The following SPTB variants were observed in gnomAD, a reference collection of about 807,000 sequenced individuals.
SPTB encodes spectrin beta chain, erythrocytic.
A neutral mutation model predicts 256.2 loss-of-function variants in SPTB; 45 were observed. The observed-to-expected ratio is 0.18, with a 90% CI of 0.14 to 0.23. SPTB has a LOEUF of 0.23. Among genes scored for constraint, SPTB ranks in the 10% least tolerant of loss-of-function variants. SPTB has a pLI of 1.00. For missense variants in SPTB, 2,715 were observed against 3,040.4 expected, an observed-to-expected ratio of 0.89 and a Z score of 2.52; for synonymous variants, 1,231 against 1,243.1, an observed-to-expected ratio of 0.99 and a Z score of 0.21.
chr14:64,822,831 ATCAC>A, intron 2 of SPTB, 112 bp downstream of exon 2: 1 of 1,493,920 alleles, frequency 6.7e-7, no homozygotes. Context: ...ACACGTCTCC[ATCAC>A]TGCCATGCCA....
chr14:64,768,885 C>A (rs772685995), intron 29 of SPTB, 149 bp downstream of exon 29: 288 of 750,270 alleles, frequency 3.8e-4, no homozygotes, highest in Non-Finnish European at 6.2e-4. Context: ...CGCTGAGGCC[C>A]CTGGCCCCAG....
Position 64,795,745 on chromosome 14 carries a change from G to GCA in SPTB, c.1342-108_1342-107dup. ...TTCAGAACCAGTGCTAGATGGGAAA[G>GCA]CACATTCCCAAGAAGCAGCTAGTTC... is the stretch of plus-strand genomic sequence containing the variant. On this transcript the variant is annotated intron_variant, in intron 11 of 35. Transcript: ENST00000644917. This position sits in a 1 kb window ranked among gnomAD's most constrained non-coding sequence, Gnocchi z 6.5. 8.4e-7 allele frequency: 1 copy of GCA among 1,193,368 alleles called. No homozygotes were observed. Among genetic ancestry groups the GCA allele is most frequent in the South Asian group, 1.3e-5 (1 of 78,902 alleles). The allele number at this position is 1,193,368 out of a possible 1,614,324, so 73.9% of individuals were successfully genotyped here. A position where few individuals can be genotyped will look rare whatever the true frequency, so the allele number is the denominator to read the frequency against.
At chr14:64,821,726 G>A (rs2139695517) in intron 2 of SPTB, among the ~76,000 whole-genome samples, 1 of 152,326 alleles carries the variant, frequency 6.6e-6, no homozygotes, top group East Asian at 1.9e-4. Context: ...AGAAGAAAGA[G>A]AGTTTCCTGT....
In SPTB at chr14:64,786,294, TACAAG is replaced by T. The variant is rs1260275042; in HGVS notation, c.3561+105_3561+109del. On this transcript the variant is annotated intron_variant, in intron 16 of 35. Coordinates refer to ENST00000644917, the MANE Select transcript of SPTB (RefSeq NM_001355436.2). The surrounding 1 kb of genome is among the most constrained non-coding windows in gnomAD (Gnocchi z 5.6). ...ATTTCCCCCATGAGTGAATACAGAG[TACAAG>T]ACAAGAGTAATGTGGTCCCTGAGTC... 3 of 1,430,720 alleles carry T rather than the reference TACAAG, an allele frequency of 2.1e-6. No individual in the cohort carries two copies. The highest frequency in any genetic ancestry group is 2.8e-5 in the African/African-American group (2 of 71,344). The allele number at this position is 1,430,720 out of a possible 1,614,324, so 88.6% of individuals were successfully genotyped here. A position where few individuals can be genotyped will look rare whatever the true frequency, so the allele number is the denominator to read the frequency against.
chr14:64,796,314 C>T lies in SPTB; in HGVS notation c.1341+243G>A, dbSNP rs891735762. On this transcript the variant is annotated intron_variant, in intron 11 of 35. Coordinates refer to ENST00000644917, the MANE Select transcript of SPTB (RefSeq NM_001355436.2). This position sits in a 1 kb window ranked among gnomAD's most constrained non-coding sequence, Gnocchi z 4.1. Reference sequence around the variant, plus strand: ...CCCCAGCTGTAGTTGACACTACAGGCCCACATAAGACAACTTCAGCGGCCA... The same window carrying T: ...CCCCAGCTGTAGTTGACACTACAGGTCCACATAAGACAACTTCAGCGGCCA... 1.3e-5 allele frequency among the ~76,000 whole-genome samples: 2 copies of T among 152,154 alleles called. No individual in the cohort carries two copies. Among genetic ancestry groups the T allele is most frequent in the African/African-American group, 4.8e-5 (2 of 41,434 alleles).
At chr14:64,768,027 C>T (rs17180217) in intron 29 of SPTB, 168 bp from the exon 30 acceptor site, 68,544 of 715,028 alleles carry the variant, frequency 0.096, 3,757 homozygotes, top group African/African-American at 0.12. Context: ...CACTGGGCCC[C>T]TAACCGATCT....
At chr14:64,769,167 A>T (rs1205594781) in intron 28 of SPTB, 49 bp from the exon 29 acceptor site, 1 of 1,563,980 alleles carries the variant, frequency 6.4e-7, no homozygotes, top group South Asian at 1.1e-5. Context: ...ACCCTTCACC[A>T]TCTGAGGCAG....
At position 64,786,321 on chromosome 14, in the gene SPTB, A is replaced by G. The variant is rs989402336; in HGVS notation, c.3561+83T>C. On this transcript the variant is annotated intron_variant, in intron 16 of 35. Coordinates refer to ENST00000644917, the MANE Select transcript of SPTB (RefSeq NM_001355436.2). The surrounding 1 kb of genome is among the most constrained non-coding windows in gnomAD (Gnocchi z 5.6). Reference sequence around the variant, plus strand: ...CAAGACAAGAGTAATGTGGTCCCTGAGTCTTACAGCACATTTGTGGACTCA... The same window carrying G: ...CAAGACAAGAGTAATGTGGTCCCTGGGTCTTACAGCACATTTGTGGACTCA... 1 of 1,553,152 alleles carries G rather than the reference A, an allele frequency of 6.4e-7. No homozygotes were observed. The highest frequency in any genetic ancestry group is 8.8e-7 in the Non-Finnish European group (1 of 1,130,688).
At chr14:64,770,485 G>A (rs2269310) in intron 27 of SPTB, among the ~76,000 whole-genome samples, 29,361 of 152,130 alleles carry the variant, frequency 0.19, 3,375 homozygotes, top group East Asian at 0.39. Flanking sequence ...TCTCATGGAC[G>A]ATGAGCTTCT....
chr14:64,837,123 A>C (rs1449066000), intron 1 of SPTB, among the ~76,000 whole-genome samples: 2 of 152,354 alleles, frequency 1.3e-5, no homozygotes, highest in East Asian at 3.9e-4. Context: ...CAGGGAGAAG[A>C]AGCTGTCCAA....
intron 1 of SPTB, among the ~76,000 whole-genome samples, chr14:64,829,123 C>T (rs1320850458): frequency 6.6e-6 from 1 of 152,114 alleles, no homozygotes; most frequent in Non-Finnish European, 1.5e-5. Flanking sequence ...TGAAGGACAT[C>T]ATGACCTATG....
At chr14:64,766,078 GTA>G in intron 32 of SPTB, among the ~76,000 whole-genome samples, 1 of 148,352 alleles carries the variant, frequency 6.7e-6, no homozygotes, top group Non-Finnish European at 1.5e-5. Flanking sequence ...GGTGTGGTCT[GTA>G]TGAGTATGCG....
rs759288245 is a variant in SPTB at position 64,748,934 on chromosome 14, CTCT to C, written c.*369_*371del. 12,194 of 160,954 alleles carry C rather than the reference CTCT, an allele frequency of 0.076. 500 individuals are homozygous for C. The highest frequency in any genetic ancestry group is 0.12 in the African/African-American group (3,429 of 29,534). 10.0% of individuals were successfully genotyped at this position (160,954 alleles called of 1,614,324 possible). On this transcript the variant is annotated 3_prime_UTR_variant, in exon 36 of 36. Transcript: ENST00000644917. ...GAAGAACCCCATCAGCCTTCTCCAGCTCTTTTTTTTTTTTTTTTTTGGTTGGGG... is the reference window on the plus strand; with the variant it reads ...GAAGAACCCCATCAGCCTTCTCCAGCTTTTTTTTTTTTTTTTTGGTTGGGG...
intron 1 of SPTB, among the ~76,000 whole-genome samples, chr14:64,858,430 A>G (rs1247547926): frequency 6.6e-6 from 1 of 152,182 alleles, no homozygotes; most frequent in Non-Finnish European, 1.5e-5. Context: ...GAAACTAGAA[A>G]TTCGAGCAGG....
intron 1 of SPTB, among the ~76,000 whole-genome samples, chr14:64,876,732 T>C (rs1408510597): frequency 1.3e-5 from 2 of 152,222 alleles, no homozygotes; most frequent in Non-Finnish European, 2.9e-5. Context: ...CTCTCCTGCT[T>C]ATCCTCAGTA....
At chr14:64,761,331 T>G (rs2082090199) in intron 32 of SPTB, among the ~76,000 whole-genome samples, 1 of 152,106 alleles carries the variant, frequency 6.6e-6, no homozygotes, top group Admixed American at 6.5e-5. Flanking sequence ...AGATGGCAAC[T>G]TAAGGTGGGC....
intron 1 of SPTB, among the ~76,000 whole-genome samples, chr14:64,855,538 A>AAGACAGGGTTTTGC (rs11270613): frequency 1.3e-5 from 2 of 151,922 alleles, no homozygotes; most frequent in Non-Finnish European, 1.5e-5. Flanking sequence ...ATCTTTTCAT[A>AAGACAGGGTTTTGC]TACGTTGACC....
intron 31 of SPTB, 78 bp downstream of exon 31, chr14:64,767,225 T>G: frequency 6.3e-7 from 1 of 1,576,718 alleles, no homozygotes. Flanking sequence ...GGTCCCAATG[T>G]CAGGTTTCTG....
chr14:64,872,751 TGGGAGGTAACTGAATCAC>T (rs923460567), intron 1 of SPTB, among the ~76,000 whole-genome samples: 25 of 152,180 alleles, frequency 1.6e-4, no homozygotes, highest in African/African-American at 5.3e-4. Context: ...AGGGACCCGG[TGGGAGGTAACTGAATCAC>T]GGGGGTGGGT....
Sources: allele counts gnomAD v4.1 joint callset (sites outside exome capture counted in the v4.1 genomes callset), GRCh38; gene constraint gnomAD v4.1.1; non-coding constraint Gnocchi (gnomAD v3.1); transcripts MANE v1.5; gene names NCBI Gene and HGNC (gene_info 2026-07-23, HGNC 2026-07-21).